SGCD: variants seen among roughly 807,000 people sequenced by gnomAD.
The protein encoded by SGCD is sarcoglycan delta.
In SGCD, 18 loss-of-function variants were observed where a neutral mutation model predicts 36.6. The observed-to-expected ratio is 0.49, with a 90% confidence interval of 0.34 to 0.73. SGCD has a LOEUF of 0.73. Among genes scored for constraint, SGCD ranks in the 30% least tolerant of loss-of-function variants. The probability of loss-of-function intolerance (pLI) is 0.01; values close to 1 mark genes in which losing one functional copy is unlikely to be tolerated. For missense variants in SGCD, 387 were observed against 346.7 expected, an observed-to-expected ratio of 1.12 and a Z score of -0.92; for synonymous variants, 133 against 130.6, an observed-to-expected ratio of 1.02 and a Z score of -0.12.
chr5:156,033,459 T>G (rs1015435725), intron 1 of SGCD, among the ~76,000 whole-genome samples: 1 of 152,210 alleles, frequency 6.6e-6, no homozygotes, highest in Non-Finnish European at 1.5e-5. Context: ...CCCACTGTTT[T>G]GTCCCCACTT....
At position 156,182,271 on chromosome 5, in the gene SGCD, A is replaced by C. The variant is rs368644153; in HGVS notation, c.-44+58252A>C. Among the ~76,000 whole-genome samples, 10 of 151,314 alleles carry C rather than the reference A, an allele frequency of 6.6e-5. No individual in the cohort carries two copies. In the East Asian group the frequency reaches 1.8e-3, roughly 27 times the overall value. Reference sequence around the variant, plus strand: ...ATAAAGCTATAGCAATTAAGATTAGAGTATTGGCTAGCTTAGGAGCAGAAC... The same window carrying C: ...ATAAAGCTATAGCAATTAAGATTAGCGTATTGGCTAGCTTAGGAGCAGAAC... On this transcript the variant is annotated intron_variant, in intron 3 of 9. Transcript: ENST00000517913.
intron 4 of SGCD, among the ~76,000 whole-genome samples, chr5:156,581,799 G>A (rs916696260): frequency 6.6e-6 from 1 of 152,332 alleles, no homozygotes; most frequent in Admixed American, 6.5e-5. Context: ...TTGGATGGGA[G>A]GGTCCTGTTT....
At chr5:156,747,743 A>T (rs1757001539) in intron 7 of SGCD, among the ~76,000 whole-genome samples, 1 of 152,146 alleles carries the variant, frequency 6.6e-6, no homozygotes, top group Non-Finnish European at 1.5e-5. Context: ...GAAGGAAGTC[A>T]TTACGTCCAG....
At chr5:155,756,365 T>C in the SGCD span, among the ~76,000 whole-genome samples, 9 of 152,260 alleles carry the variant, frequency 5.9e-5, no homozygotes, top group African/African-American at 2.2e-4. Flanking sequence ...GTTTCTTTTC[T>C]AAGACTTATT....
chr5:156,751,116 A>G (rs1319083554), intron 7 of SGCD, among the ~76,000 whole-genome samples: 3 of 152,192 alleles, frequency 2.0e-5, no homozygotes, highest in Non-Finnish European at 4.4e-5. Flanking sequence ...AGAATTTTAA[A>G]ACTCAAGTAA....
intron 1 of SGCD, among the ~76,000 whole-genome samples, chr5:156,033,183 T>C (rs1171090613): frequency 2.0e-5 from 3 of 152,230 alleles, no homozygotes; most frequent in South Asian, 2.1e-4. Flanking sequence ...TCCTTGTGAA[T>C]TGATGCCTTC....
intron 1 of SGCD, among the ~76,000 whole-genome samples, chr5:156,072,442 A>C (rs1760607654): frequency 6.6e-6 from 1 of 151,950 alleles, no homozygotes; most frequent in African/African-American, 2.4e-5. Flanking sequence ...TTTCTTTAAG[A>C]ATGTTGAATA....
intron 1 of SGCD, among the ~76,000 whole-genome samples, chr5:156,090,814 AT>A: frequency 6.6e-6 from 1 of 152,166 alleles, no homozygotes; most frequent in Non-Finnish European, 1.5e-5. Context: ...GTTATCAATT[AT>A]TAATATTCCT....
intron 1 of SGCD, among the ~76,000 whole-genome samples, chr5:155,887,071 A>C (rs1044499843): frequency 1.3e-5 from 2 of 152,180 alleles, no homozygotes; most frequent in African/African-American, 2.4e-5. Context: ...AAGGAAGCAC[A>C]CTAGGACTCT....
intron 7 of SGCD, among the ~76,000 whole-genome samples, chr5:156,753,242 C>T (rs1456119026): frequency 1.3e-5 from 2 of 152,202 alleles, no homozygotes; most frequent in Admixed American, 6.5e-5. Context: ...GGCCCAGCTC[C>T]GGCCCCCACC....
intron 1 of SGCD, among the ~76,000 whole-genome samples, chr5:155,957,515 T>TC (rs1757688059): frequency 6.6e-6 from 1 of 152,114 alleles, no homozygotes; most frequent in Non-Finnish European, 1.5e-5. Context: ...TCCATTTCTT[T>TC]CAGAGGCTCT....
chr5:156,304,162 C>T (rs1028292458), intron 3 of SGCD, among the ~76,000 whole-genome samples: 1 of 152,288 alleles, frequency 6.6e-6, no homozygotes, highest in African/African-American at 2.4e-5. Context: ...GGTAACTTCC[C>T]TCTGGCTAAT....
chr5:156,332,817 A>T (rs1768135179), intron 2 of SGCD, among the ~76,000 whole-genome samples: 1 of 152,214 alleles, frequency 6.6e-6, no homozygotes, highest in Admixed American at 6.5e-5. Flanking sequence ...GATTAAGAGG[A>T]GTAATAAGAG....
chr5:156,598,567 C>G (rs1040407633), intron 6 of SGCD, among the ~76,000 whole-genome samples: 58 of 151,878 alleles, frequency 3.8e-4, no homozygotes, highest in African/African-American at 1.3e-3. Context: ...AAACAAAAAA[C>G]TTTGCTGTAC....
chr5:155,770,840 GT>G, the SGCD span, among the ~76,000 whole-genome samples: 3 of 152,048 alleles, frequency 2.0e-5, no homozygotes, highest in African/African-American at 7.2e-5. Context: ...TCATAAAAAG[GT>G]AACTTTCTTA....
intron 1 of SGCD, among the ~76,000 whole-genome samples, chr5:156,027,636 T>C (rs1344206542): frequency 1.3e-5 from 2 of 152,116 alleles, no homozygotes; most frequent in Non-Finnish European, 2.9e-5. Flanking sequence ...GTACTCAATA[T>C]GCTGACTATA....
intron 7 of SGCD, among the ~76,000 whole-genome samples, chr5:156,735,897 G>C (rs1756333569): frequency 6.6e-6 from 1 of 152,200 alleles, no homozygotes; most frequent in African/African-American, 2.4e-5. Flanking sequence ...GCTGTGCCAA[G>C]ACTCCATGTA....
At chr5:156,624,454 G>A (rs757002967) in intron 6 of SGCD, among the ~76,000 whole-genome samples, 35 of 152,178 alleles carry the variant, frequency 2.3e-4, no homozygotes, top group African/African-American at 7.9e-4. Flanking sequence ...GTTAGCGGGC[G>A]CCTGTAGTTC....
Position 156,592,283 on chromosome 5 carries a change from A to T in SGCD, c.383-2649A>T, listed in dbSNP as rs147775756. 7.0e-3 allele frequency among the ~76,000 whole-genome samples: 1,071 copies of T among 152,150 alleles called. 10 individuals carry two copies. Among genetic ancestry groups the T allele is most frequent in the Non-Finnish European group, 0.012 (812 of 67,980 alleles). On this transcript the variant is annotated intron_variant, in intron 5 of 8. Transcript: ENST00000337851. Reference sequence around the variant, plus strand: ...AACTGCTCGCCCTGTGCCCATCCTGAGGTCATTCATTCATTCGTTAGTACT... The same window carrying T: ...AACTGCTCGCCCTGTGCCCATCCTGTGGTCATTCATTCATTCGTTAGTACT...
Sources: allele counts gnomAD v4.1 joint callset (sites outside exome capture counted in the v4.1 genomes callset), GRCh38; gene constraint gnomAD v4.1.1; transcripts MANE v1.5; gene names NCBI Gene and HGNC (gene_info 2026-07-23, HGNC 2026-07-21).